FMN2: variants seen among roughly 807,000 people sequenced by gnomAD.
FMN2 encodes the protein formin 2.
FMN2 carries 51 observed loss-of-function variants against 142.3 expected under a neutral mutation model. That is an observed-to-expected ratio of 0.36 (90% CI 0.29 to 0.45). The LOEUF is 0.45. Among genes scored for constraint, FMN2 ranks in the 20% least tolerant of loss-of-function variants. FMN2 has a pLI of 1.00. For missense variants in FMN2, 1,936 were observed against 2,122.8 expected (o/e 0.91, Z 1.73); for synonymous variants, 882 against 869.8 (o/e 1.01, Z -0.25).
intron 2 of FMN2, among the ~76,000 whole-genome samples, chr1:240,175,845 T>C (rs1664891413): frequency 6.6e-6 from 1 of 152,238 alleles, no homozygotes; most frequent in African/African-American, 2.4e-5. Flanking sequence ...CTATTTTGTG[T>C]ATCTTCTTTG....
At chr1:240,142,664 C>T in intron 2 of FMN2, 1 of 1,599,360 alleles carries the variant, frequency 6.3e-7, no homozygotes, top group South Asian at 1.1e-5. Flanking sequence ...CCCTGGTGGT[C>T]ACTTAGAGAT....
chr1:240,207,040 C>G lies in FMN2; in HGVS notation c.2228C>G (p.Ser743Trp), dbSNP rs1397813836. 1 of 1,614,102 alleles carries G rather than the reference C, an allele frequency of 6.2e-7. No individual in the cohort carries two copies. Reference sequence around the variant, plus strand: ...CATCATAGGATTTTAGAGGCGAAATCGATACAGACTTCCCCCACGGAAGAG... The same window carrying G: ...CATCATAGGATTTTAGAGGCGAAATGGATACAGACTTCCCCCACGGAAGAG... ...VRHHRILEAK[S>W]IQTSPTEEGG... Residue 743 changes from serine (S) to tryptophan (W), a missense_variant, in exon 5 of 18, where the codon TCG becomes TGG. By Grantham distance (177) the Ser-to-Trp change is radical (BLOSUM62 -3). Coordinates refer to ENST00000319653, the MANE Select transcript of FMN2 (RefSeq NM_020066.5).
At position 240,207,007 on chromosome 1, in the gene FMN2, A is replaced by C; in HGVS notation, c.2195A>C (p.Glu732Ala). 6.2e-7 allele frequency: 1 copy of C among 1,614,192 alleles called. No homozygotes were observed. Among genetic ancestry groups the C allele is most frequent in the Non-Finnish European group, 8.5e-7 (1 of 1,180,022 alleles). The change falls in exon 5 of 18, where the codon GAA becomes GCA. Residue 732 changes from glutamate to alanine, a missense_variant. Around this residue, in one of 8 missense-constraint regions of FMN2, gnomAD observed 478 missense variants for 462.8 expected, o/e 1.03. Coordinates refer to ENST00000319653, the MANE Select transcript of FMN2 (RefSeq NM_020066.5). ...CLEALRLEEK[E>A]VRHHRILEAK... ...GAAGCTCTCAGGTTAGAAGAAAAGG[A>C]AGTACGGCATCATAGGATTTTAGAG...
intron 8 of FMN2, among the ~76,000 whole-genome samples, chr1:240,315,383 C>A (rs372752010): frequency 3.5e-4 from 54 of 152,280 alleles, no homozygotes; most frequent in African/African-American, 1.3e-3. Flanking sequence ...TCCCTTCTTA[C>A]TTCCCATGAT....
chr1:240,334,120 A>C lies in FMN2; in HGVS notation c.4656A>C (p.Lys1552Asn), dbSNP rs868518331. The change falls in exon 13 of 18, where the codon AAA (lysine) becomes AAC (asparagine). Residue 1552 changes from lysine to asparagine, a missense_variant. Transcript: ENST00000319653. ...YLRNFDEDAG[K>N]EQCLFPLPEP... ...TTTTTGTTCATTAGGATGCTGGAAA[A>C]GAACAGTGCCTCTTTCCACTGCCAG... is the stretch of plus-strand genomic sequence containing the variant. The C allele has an allele frequency of 6.3e-7, 1 of 1,596,112 alleles. No homozygotes were observed.
chr1:240,170,024 A>T, intron 2 of FMN2: 1 of 556,750 alleles, frequency 1.8e-6, no homozygotes, highest in East Asian at 2.8e-5. Context: ...AACTCAGATT[A>T]ATTCCCACAC....
chr1:240,351,762 G>A (rs1672103438), intron 13 of FMN2, among the ~76,000 whole-genome samples: 1 of 152,118 alleles, frequency 6.6e-6, no homozygotes, highest in African/African-American at 2.4e-5. Flanking sequence ...TACTTCCCCA[G>A]CTAATGAAGT....
At chr1:240,291,708 T>C (rs1204288013) in intron 7 of FMN2, among the ~76,000 whole-genome samples, 2 of 152,168 alleles carry the variant, frequency 1.3e-5, no homozygotes, top group African/African-American at 2.4e-5. Context: ...AAAGGTTCCA[T>C]CCCTCAGTAG....
intron 8 of FMN2, among the ~76,000 whole-genome samples, chr1:240,314,926 G>A (rs1228578593): frequency 6.6e-6 from 1 of 152,184 alleles, no homozygotes; most frequent in Admixed American, 6.5e-5. Flanking sequence ...ATACAAAAGT[G>A]TTTCCTGCGC....
At chr1:240,346,228 A>G (rs1031733929) in intron 13 of FMN2, among the ~76,000 whole-genome samples, 1 of 152,126 alleles carries the variant, frequency 6.6e-6, no homozygotes, top group Admixed American at 6.5e-5. Context: ...ATGCATACAT[A>G]CCTATGATAA....
At chr1:240,183,452 TATA>T (rs1665236378) in intron 3 of FMN2, among the ~76,000 whole-genome samples, 1 of 148,046 alleles carries the variant, frequency 6.8e-6, no homozygotes, top group East Asian at 1.9e-4. Context: ...GATTATATAA[TATA>T]ATATATATAA....
intron 2 of FMN2, among the ~76,000 whole-genome samples, chr1:240,176,384 G>T (rs1664913267): frequency 6.6e-6 from 1 of 152,190 alleles, no homozygotes; most frequent in Non-Finnish European, 1.5e-5. Flanking sequence ...CACTCTGGTA[G>T]GTGCTTGACC....
chr1:240,265,082 G>A (rs569105267), intron 7 of FMN2, among the ~76,000 whole-genome samples: 54 of 152,118 alleles, frequency 3.5e-4, no homozygotes, highest in Non-Finnish European at 5.9e-4. Context: ...TGAAGCATGT[G>A]TTACCTAATA....
At chr1:240,138,317 C>T (rs2103247503) in intron 2 of FMN2, among the ~76,000 whole-genome samples, 1 of 152,042 alleles carries the variant, frequency 6.6e-6, no homozygotes, top group African/African-American at 2.4e-5. Flanking sequence ...CTGGAAGACC[C>T]TGAGGAAACC....
At chr1:240,328,752 G>T (rs566505606) in intron 8 of FMN2, among the ~76,000 whole-genome samples, 1 of 151,926 alleles carries the variant, frequency 6.6e-6, no homozygotes, top group Non-Finnish European at 1.5e-5. Flanking sequence ...ACCATGCCCC[G>T]CTAATTTTTG....
At chr1:240,339,458 A>G (rs997136768) in intron 13 of FMN2, among the ~76,000 whole-genome samples, 2 of 152,266 alleles carry the variant, frequency 1.3e-5, no homozygotes. Flanking sequence ...CCAAGCATCC[A>G]CTGGGGATCT....
intron 8 of FMN2, among the ~76,000 whole-genome samples, chr1:240,295,892 G>T (rs1669959677): frequency 6.6e-6 from 1 of 152,216 alleles, no homozygotes; most frequent in South Asian, 2.1e-4. Flanking sequence ...AGTGTGCCAG[G>T]GTTCCCTTTT....
chr1:240,144,570 G>T, intron 2 of FMN2: 1 of 1,384,336 alleles, frequency 7.2e-7, no homozygotes, highest in Non-Finnish European at 1.0e-6. Flanking sequence ...TTGCGCATCA[G>T]TGCCAATCTC....
chr1:240,156,326 TAAAA>T (rs373933678), intron 2 of FMN2, among the ~76,000 whole-genome samples: 3 of 152,094 alleles, frequency 2.0e-5, no homozygotes, highest in African/African-American at 4.8e-5. Flanking sequence ...TTGAGGCAGA[TAAAA>T]AAAATCCATT....
Sources: gnomAD v4.1 joint callset for allele counts (sites outside exome capture counted in the v4.1 genomes callset) on GRCh38, gnomAD v4.1.1 for gene constraint, gnomAD v4.1.1 regional missense constraint, MANE v1.5 for transcripts, NCBI Gene and HGNC (gene_info 2026-07-23, HGNC 2026-07-21) for gene names.